ZFY: variants seen among roughly 807,000 people sequenced by gnomAD.
ZFY encodes the protein zinc finger protein Y-linked, also known as zinc finger Y-chromosomal protein.
For missense variants in ZFY, 113 were observed against 170.9 expected, an observed-to-expected ratio of 0.66 and a Z score of 1.89; for synonymous variants, 47 against 55.8, an observed-to-expected ratio of 0.84 and a Z score of 0.71.
At chrY:2,944,736 A>ATT (rs764137501) in intron 1 of ZFY, among the ~76,000 whole-genome samples, 1 of 4,297 alleles carries the variant, frequency 2.3e-4, no homozygotes, top group Non-Finnish European at 4.0e-4. Context: ...TCTTTTTATG[A>ATT]TTTTTTTTTT....
In ZFY at chrY:2,975,114, A is replaced by C; in HGVS notation, c.654A>C (p.Ile218=). ...TTTCAGTGGATGATGCTGGCAAAAT[A>C]GAACATGATGGTTCCACTGGAGTGA... ...LMISLDDAGK[I]EHDGSTGVTI... The change falls in exon 4 of 8, where the codon ATA becomes ATC. Residue 218 remains isoleucine (I), a synonymous_variant. Transcript: ENST00000155093. 2.5e-6 allele frequency: 1 copy of C among 398,915 alleles called. No individual in the cohort carries two copies. The highest frequency in any genetic ancestry group is 3.5e-6 in the Non-Finnish European group (1 of 283,435).
intron 3 of ZFY, among the ~76,000 whole-genome samples, chrY:2,974,167 A>G: frequency 3.7e-5 from 1 of 27,273 alleles, no homozygotes; most frequent in Non-Finnish European, 8.6e-5. Context: ...ATTTACAACT[A>G]TTTATTTATT....
At position 2,979,182 on chromosome Y, in the gene ZFY, G is replaced by A; in HGVS notation, c.1595G>A (p.Arg532His). 1.0e-5 allele frequency: 4 copies of A among 398,656 alleles called. No individual in the cohort carries two copies. The highest frequency in any genetic ancestry group is 1.4e-5 in the Non-Finnish European group (4 of 283,641). ...ACAGCTGAACAGGGGTTATTGAATC[G>A]CCACCTCTTGGCAGTCCACAGCAAG... ...YETAEQGLLNRHLLAVHSKNF... is the reference protein window; with the variant it reads ...YETAEQGLLNHHLLAVHSKNF... The change falls in exon 8 of 8, where the codon CGC becomes CAC. Residue 532 changes from arginine to histidine, a missense_variant. Coordinates refer to ENST00000155093, the MANE Select transcript of ZFY (RefSeq NM_003411.4).
At chrY:2,976,116 T>TG (rs2051369222) in intron 5 of ZFY, among the ~76,000 whole-genome samples, 1 of 29,105 alleles carries the variant, frequency 3.4e-5, no homozygotes, top group Non-Finnish European at 8.3e-5. Flanking sequence ...GTGTTTTTTT[T>TG]TTTTTTTTGA....
At chrY:2,947,987 T>A in intron 1 of ZFY, among the ~76,000 whole-genome samples, 1 of 34,020 alleles carries the variant, frequency 2.9e-5, no homozygotes, top group Non-Finnish European at 7.3e-5. Flanking sequence ...GACTTTTGTT[T>A]TCCTCTGCAA....
chrY:2,945,192 TTTATC>T (rs2051258253), intron 1 of ZFY, among the ~76,000 whole-genome samples: 1 of 33,222 alleles, frequency 3.0e-5, no homozygotes, highest in Non-Finnish European at 7.4e-5. Flanking sequence ...TATTTATAGT[TTTATC>T]TTATGACTTA....
Position 2,964,588 on chromosome Y carries a change from A to AT in ZFY, c.634+2947dup, listed in dbSNP as rs558082272. On this transcript the variant is annotated intron_variant, in intron 3 of 7. Coordinates refer to ENST00000155093, the MANE Select transcript of ZFY (RefSeq NM_003411.4). ...ATGGTTAAAAAATTATCAGAGTAAC[A>AT]TTTTTCAGCACTCTGAAAACTAAAT... Among the ~76,000 whole-genome samples, 172 of 33,079 alleles carry AT rather than the reference A, an allele frequency of 5.2e-3. No individual in the cohort carries two copies. The South Asian group carries it at 0.11, about 21-fold the overall frequency. The allele number at this position is 33,079 out of a possible 37,273, so 88.7% of individuals were successfully genotyped here. A position where few individuals can be genotyped will look rare whatever the true frequency, so the allele number is the denominator to read the frequency against.
At position 2,976,685 on chromosome Y, in the gene ZFY, C is replaced by T; in HGVS notation, c.944C>T (p.Ala315Val). ...TTGTGCTTAGATGTTGCTGAAATTGCTGATGAAGTTTATATGGAAGTGATC... is the reference window on the plus strand; with the variant it reads ...TTGTGCTTAGATGTTGCTGAAATTGTTGATGAAGTTTATATGGAAGTGATC... ...EDEDLNVAEI[A>V]DEVYMEVIVG... The change falls in exon 6 of 8, where the codon GCT becomes GTT. Residue 315 changes from alanine (A) to valine (V), a missense_variant. Ala to Val is a moderately conservative substitution (Grantham distance 64, BLOSUM62 0). Transcript: ENST00000155093. 2 of 388,593 alleles carry T rather than the reference C, an allele frequency of 5.1e-6. No individual in the cohort carries two copies. The highest frequency in any genetic ancestry group is 7.2e-6 in the Non-Finnish European group (2 of 277,513).
Position 2,975,167 on chromosome Y carries a change from C to T in ZFY, c.707C>T (p.Pro236Leu), listed in dbSNP as rs776034863. Residue 236 changes from proline to leucine, a missense_variant, in exon 4 of 8, where the codon CCT becomes CTT. By Grantham distance (98) the Pro-to-Leu change is moderately conservative. Coordinates refer to ENST00000155093, the MANE Select transcript of ZFY (RefSeq NM_003411.4). ...VTIDAESEMD[P>L]CKVDSTCPEV... is the part of the protein sequence containing the mutation. ...ATCGATGCAGAATCAGAAATGGATC[C>T]TTGTAAAGTGGATAGCACTTGTCCT... 1 of 398,066 alleles carries T rather than the reference C, an allele frequency of 2.5e-6. No homozygotes were observed. The highest frequency in any genetic ancestry group is 3.5e-6 in the Non-Finnish European group (1 of 283,114).
At chrY:2,942,429 G>T (rs2051247324) in intron 1 of ZFY, among the ~76,000 whole-genome samples, 1 of 20,092 alleles carries the variant, frequency 5.0e-5, no homozygotes, top group Non-Finnish European at 1.1e-4. Context: ...TTGAGACAGG[G>T]TCTCACTTCT....
In ZFY at chrY:2,941,934, C is replaced by CTGTG. The variant is rs376986249; in HGVS notation, c.-29+6191_-29+6194dup. On this transcript the variant is annotated intron_variant, in intron 1 of 7. Transcript: ENST00000155093. The stretch of plus-strand genomic sequence containing the variant: ...CTTGCCCACCCTCCGCCAATATAAA[C>CTGTG]TGTGTGTGTGTGTGTGTGTGTGTGT... Among the ~76,000 whole-genome samples the CTGTG allele has an allele frequency of 5.4e-3, 149 of 27,468 alleles. No homozygotes were observed. In the South Asian group the frequency reaches 0.057, roughly 10 times the overall value. 73.7% of individuals were successfully genotyped at this position (27,468 alleles called of 37,273 possible).
intron 1 of ZFY, among the ~76,000 whole-genome samples, chrY:2,938,982 C>CA (rs2051227578): frequency 5.4e-4 from 2 of 3,698 alleles, no homozygotes; most frequent in African/African-American, 2.7e-3. Context: ...GCATACAGTG[C>CA]TTATATATAT....
At chrY:2,960,561 C>T (rs2051305559) in intron 2 of ZFY, among the ~76,000 whole-genome samples, 1 of 25,863 alleles carries the variant, frequency 3.9e-5, no homozygotes. Flanking sequence ...AGGGTAAAAA[C>T]GAGATATGTA....
intron 3 of ZFY, among the ~76,000 whole-genome samples, chrY:2,970,578 T>G (rs754033819): frequency 1.5e-3 from 51 of 33,965 alleles, no homozygotes; most frequent in Non-Finnish European, 3.4e-3. Context: ...CAATTTTTTT[T>G]GTCAGCAAAA....
rs533619579 is a variant in ZFY, at chrY:2,959,871, T to C, written c.62-1203T>C. 2.0e-4 allele frequency among the ~76,000 whole-genome samples: 6 copies of C among 30,043 alleles called. No homozygotes were observed. In the South Asian group the frequency reaches 4.5e-3, roughly 23 times the overall value. 80.6% of individuals were successfully genotyped at this position (30,043 alleles called of 37,273 possible). A position where few individuals can be genotyped will look rare whatever the true frequency, so the allele number is the denominator to read the frequency against. ...AGCCTTTTTTTCCTTTCCTTTTCTT[T>C]TTTTTTTTTTTTTTAAGAAAAATCC... On this transcript the variant is annotated intron_variant, in intron 2 of 7. Transcript: ENST00000155093.
chrY:2,948,529 A>G, intron 1 of ZFY, among the ~76,000 whole-genome samples: 3 of 34,084 alleles, frequency 8.8e-5, no homozygotes, highest in Admixed American at 8.1e-4. Context: ...GTAATGAAAC[A>G]ATCTTTCTCA....
intron 4 of ZFY, 63 bp from the exon 5 acceptor site, chrY:2,975,448 G>T: frequency 2.6e-6 from 1 of 378,638 alleles, no homozygotes; most frequent in Non-Finnish European, 3.7e-6. Flanking sequence ...ACTAAAACGT[G>T]TAAGCAAAAT....
intron 1 of ZFY, among the ~76,000 whole-genome samples, chrY:2,941,329 G>T: frequency 3.0e-5 from 1 of 32,986 alleles, no homozygotes; most frequent in Non-Finnish European, 7.4e-5. Flanking sequence ...GAAACAATGT[G>T]GCTGTAACAT....
chrY:2,943,332 GC>G (rs2051251028), intron 1 of ZFY, among the ~76,000 whole-genome samples: 4 of 34,407 alleles, frequency 1.2e-4, no homozygotes, highest in Admixed American at 1.1e-3. Context: ...TGTTGCCCAG[GC>G]TGGAGTACAG....
Sources: allele counts gnomAD v4.1 joint callset (sites outside exome capture counted in the v4.1 genomes callset), GRCh38; gene constraint gnomAD v4.1.1; transcripts MANE v1.5; gene names NCBI Gene and HGNC (gene_info 2026-07-23, HGNC 2026-07-21).